Variants in MOB3B observed in about 807,000 individuals in gnomAD.
MOB3B encodes MOB kinase activator 3B, also known as MOB kinase activator-like 2B.
A neutral mutation model predicts 18.7 loss-of-function variants in MOB3B; 7 were observed. That is an observed-to-expected ratio of 0.37 (90% CI 0.21 to 0.70). The LOEUF (loss-of-function observed/expected upper bound fraction) is 0.70, where lower values mean the gene tolerates loss of function less well. Ranked by LOEUF, MOB3B falls within the 30% of genes least tolerant of loss-of-function variation. The pLI, the probability that MOB3B is intolerant of heterozygous loss-of-function variation, is 0.52. For synonymous variants in MOB3B, 111 were observed against 99.9 expected (o/e 1.11, Z -0.66); for missense variants, 253 against 281.3 (o/e 0.90, Z 0.72).
chr9:27,482,894 T>C (rs1338652558), intron 1 of MOB3B, among the ~76,000 whole-genome samples: 2 of 152,114 alleles, frequency 1.3e-5, no homozygotes, highest in Non-Finnish European at 2.9e-5. Flanking sequence ...TGGAGAGAAA[T>C]GAAGCCAGGA....
intron 3 of MOB3B, among the ~76,000 whole-genome samples, chr9:27,347,149 G>A (rs1446115951): frequency 6.6e-6 from 1 of 152,218 alleles, no homozygotes; most frequent in Non-Finnish European, 1.5e-5. Context: ...TTTAGCAGCA[G>A]AAACCATTTC....
At chr9:27,418,257 C>T (rs1310405890) in intron 2 of MOB3B, among the ~76,000 whole-genome samples, 2 of 151,934 alleles carry the variant, frequency 1.3e-5, no homozygotes, top group East Asian at 3.9e-4. Flanking sequence ...TTCTACCAGA[C>T]ATTCAAAGAA....
intron 2 of MOB3B, among the ~76,000 whole-genome samples, chr9:27,439,913 G>A (rs1244111911): frequency 6.6e-6 from 1 of 152,104 alleles, no homozygotes; most frequent in East Asian, 1.9e-4. Flanking sequence ...GCAAAAGGCT[G>A]TTTTGCCTGT....
At chr9:27,366,136 T>C (rs938298968) in intron 2 of MOB3B, among the ~76,000 whole-genome samples, 1 of 152,132 alleles carries the variant, frequency 6.6e-6, no homozygotes, top group Admixed American at 6.5e-5. Context: ...TGTAGCCCTG[T>C]CTCTGTTGCT....
chr9:27,347,169 G>A (rs539392717), intron 3 of MOB3B, among the ~76,000 whole-genome samples: 1 of 152,312 alleles, frequency 6.6e-6, no homozygotes, highest in South Asian at 2.1e-4. Context: ...CTTTTAATGT[G>A]GTCTTACATA....
At chr9:27,364,286 C>T (rs948116382) in intron 2 of MOB3B, among the ~76,000 whole-genome samples, 4 of 152,188 alleles carry the variant, frequency 2.6e-5, no homozygotes, top group African/African-American at 9.7e-5. Flanking sequence ...ATAACCAATG[C>T]CCTCCTTCTG....
At chr9:27,476,848 G>A (rs576829271) in intron 1 of MOB3B, among the ~76,000 whole-genome samples, 59 of 152,350 alleles carry the variant, frequency 3.9e-4, no homozygotes, top group African/African-American at 1.4e-3. Context: ...GATAGTGACT[G>A]AGCATGGCAG....
intron 2 of MOB3B, among the ~76,000 whole-genome samples, chr9:27,392,749 T>A (rs927915087): frequency 1.3e-5 from 2 of 152,216 alleles, no homozygotes; most frequent in African/African-American, 4.8e-5. Flanking sequence ...AATTCTAAGC[T>A]CTTCCTCTTG....
At chr9:27,444,401 C>T (rs10117174) in intron 2 of MOB3B, among the ~76,000 whole-genome samples, 1 of 151,802 alleles carries the variant, frequency 6.6e-6, no homozygotes, top group Non-Finnish European at 1.5e-5. Context: ...AAATGGAGCT[C>T]GGGTATTAGA....
At chr9:27,453,010 C>T (rs1822813557) in intron 2 of MOB3B, among the ~76,000 whole-genome samples, 1 of 152,118 alleles carries the variant, frequency 6.6e-6, no homozygotes, top group African/African-American at 2.4e-5. Flanking sequence ...TTAGGTCTCA[C>T]CTAAGAGATT....
At chr9:27,494,424 G>A (rs748046877) in intron 1 of MOB3B, among the ~76,000 whole-genome samples, 13 of 152,072 alleles carry the variant, frequency 8.5e-5, no homozygotes, top group East Asian at 5.8e-4. Context: ...GGACCCTACC[G>A]ACATGTGATG....
At chr9:27,440,270 G>A (rs1822572895) in intron 2 of MOB3B, among the ~76,000 whole-genome samples, 1 of 152,170 alleles carries the variant, frequency 6.6e-6, no homozygotes, top group Admixed American at 6.6e-5. Context: ...ACATCACAGT[G>A]CCCTTGTCAT....
intron 3 of MOB3B, among the ~76,000 whole-genome samples, chr9:27,336,084 T>TA (rs1820859337): frequency 6.6e-6 from 1 of 152,184 alleles, no homozygotes; most frequent in South Asian, 2.1e-4. Flanking sequence ...CACTTAGACT[T>TA]ACCTTGTGCA....
In MOB3B at chr9:27,520,686, G is replaced by A. The variant is rs570363189; in HGVS notation, c.-199+8869C>T. ...CCTCTTTGCCATGTACACTTGTTAC[G>A]GGTATGTGCACATGTAAAGCCAGCA... On this transcript the variant is annotated intron_variant, in intron 1 of 3. Transcript: ENST00000262244. 5.3e-5 allele frequency among the ~76,000 whole-genome samples: 8 copies of A among 152,206 alleles called. No individual in the cohort carries two copies. The East Asian group carries it at 1.4e-3, about 26-fold the overall frequency.
chr9:27,451,204 T>TA (rs2131444861), intron 2 of MOB3B, among the ~76,000 whole-genome samples: 1 of 151,818 alleles, frequency 6.6e-6, no homozygotes, highest in East Asian at 1.9e-4. Context: ...GGCAATAGAA[T>TA]TTTTTTTTAA....
chr9:27,444,402 G>T (rs1414989568), intron 2 of MOB3B, among the ~76,000 whole-genome samples: 1 of 152,072 alleles, frequency 6.6e-6, no homozygotes, highest in South Asian at 2.1e-4. Context: ...AATGGAGCTC[G>T]GGTATTAGAA....
At chr9:27,401,698 T>C (rs1821882977) in intron 2 of MOB3B, among the ~76,000 whole-genome samples, 1 of 152,166 alleles carries the variant, frequency 6.6e-6, no homozygotes, top group African/African-American at 2.4e-5. Context: ...AAGTTAAATC[T>C]TCTTAATAAA....
intron 2 of MOB3B, among the ~76,000 whole-genome samples, chr9:27,371,432 G>T (rs1367362452): frequency 6.6e-6 from 1 of 152,168 alleles, no homozygotes; most frequent in Non-Finnish European, 1.5e-5. Context: ...GACATAGAGG[G>T]GTTAAGGCAG....
chr9:27,343,478 TAAAAAAAAA>T (rs779124158), intron 3 of MOB3B, among the ~76,000 whole-genome samples: 1 of 84,330 alleles, frequency 1.2e-5, no homozygotes, highest in East Asian at 3.8e-4. Flanking sequence ...CAATAAATAC[TAAAAAAAAA>T]AAAAAAAAAA....
Sources: gnomAD v4.1 joint callset for allele counts (sites outside exome capture counted in the v4.1 genomes callset) on GRCh38, gnomAD v4.1.1 for gene constraint, MANE v1.5 for transcripts, NCBI Gene and HGNC (gene_info 2026-07-23, HGNC 2026-07-21) for gene names.